IQANK1: variants seen among roughly 807,000 people sequenced by gnomAD.
IQANK1 encodes IQ motif and ankyrin repeat domain-containing protein 1.
Under a neutral mutation model 22.6 loss-of-function variants are expected in IQANK1, and 30 were observed. That is an observed-to-expected ratio of 1.33 (90% confidence interval 0.99 to 1.80). The LOEUF is 1.80. Among genes scored for constraint, IQANK1 ranks in the 40% most tolerant of loss-of-function variants. The probability of loss-of-function intolerance (pLI) is 0.00; values close to 1 mark genes in which losing one functional copy is unlikely to be tolerated. For synonymous variants in IQANK1, 122 were observed against 99.6 expected, an observed-to-expected ratio of 1.23 and a Z score of -1.34; for missense variants, 275 against 235.2, an observed-to-expected ratio of 1.17 and a Z score of -1.11.
At chr8:143,748,162 T>C (rs1382980090) in intron 3 of IQANK1, among the ~76,000 whole-genome samples, 1 of 151,540 alleles carries the variant, frequency 6.6e-6, no homozygotes, top group Non-Finnish European at 1.5e-5. Context: ...GCCTGGCTAA[T>C]TTTTGTATTT....
At chr8:143,769,348 T>C (rs1819531857) in intron 3 of IQANK1, among the ~76,000 whole-genome samples, 1 of 151,664 alleles carries the variant, frequency 6.6e-6, no homozygotes, top group South Asian at 2.1e-4. Context: ...ATGTGAGCCA[T>C]TGCACTTGGC....
At chr8:143,740,229 C>T (rs1464814177) in intron 3 of IQANK1, among the ~76,000 whole-genome samples, 1 of 152,074 alleles carries the variant, frequency 6.6e-6, no homozygotes, top group Non-Finnish European at 1.5e-5. Context: ...GAAGACCCTA[C>T]CCTGCGCCAC....
At position 143,774,066 on chromosome 8, in the gene IQANK1, T is replaced by C. The variant is rs1358231391; in HGVS notation, c.789+1584T>C. Among the ~76,000 whole-genome samples the C allele has an allele frequency of 1.3e-5, 2 of 151,860 alleles. No homozygotes were observed. Among genetic ancestry groups the C allele is most frequent in the Non-Finnish European group, 2.9e-5 (2 of 68,016 alleles). Reference sequence around the variant, plus strand: ...TAAAAAATGAACTCAAAGTGGATTATAGATTTAAATGTAAAGGGTAAAATT... The same window carrying C: ...TAAAAAATGAACTCAAAGTGGATTACAGATTTAAATGTAAAGGGTAAAATT... On this transcript the variant is annotated intron_variant, in intron 7 of 13. Coordinates refer to ENST00000527139, the MANE Select transcript of IQANK1 (RefSeq NM_001381874.1). This position sits in a 1 kb window ranked among gnomAD's most constrained non-coding sequence, Gnocchi z 4.2.
chr8:143,742,389 G>A (rs1435786352), intron 3 of IQANK1: 2 of 455,882 alleles, frequency 4.4e-6, no homozygotes, highest in Non-Finnish European at 4.4e-6. Context: ...GTTGGTGTGG[G>A]AGCCTTTCCC....
chr8:143,741,366 C>G (rs1368597924), intron 3 of IQANK1, among the ~76,000 whole-genome samples: 3 of 152,162 alleles, frequency 2.0e-5, no homozygotes, highest in African/African-American at 7.2e-5. Context: ...CCACACTGAC[C>G]CTCAGGCCTT....
intron 3 of IQANK1, among the ~76,000 whole-genome samples, chr8:143,747,681 G>T (rs1819057476): frequency 1.3e-5 from 2 of 151,300 alleles, no homozygotes; most frequent in African/African-American, 4.9e-5. Flanking sequence ...CCACCATTTT[G>T]TGAATTTTCC....
intron 3 of IQANK1, among the ~76,000 whole-genome samples, chr8:143,768,658 A>G (rs1201057225): frequency 5.3e-5 from 8 of 152,034 alleles, no homozygotes; most frequent in Admixed American, 1.3e-4. Flanking sequence ...CTTTATTTGT[A>G]TCACTGTGGA....
intron 3 of IQANK1, among the ~76,000 whole-genome samples, chr8:143,741,273 T>G (rs1818905996): frequency 6.6e-6 from 1 of 151,904 alleles, no homozygotes; most frequent in South Asian, 2.1e-4. Context: ...CTCTGCGGGG[T>G]GTGGGGCAGA....
At chr8:143,742,364 G>A in intron 3 of IQANK1, 1 of 455,864 alleles carries the variant, frequency 2.2e-6, no homozygotes, top group South Asian at 1.5e-5. Context: ...AGCATGCGGG[G>A]GAGGTCAGGC....
chr8:143,789,351 G>A, intron 9 of IQANK1, 85 bp from the exon 10 acceptor site: 1 of 644,170 alleles, frequency 1.6e-6, no homozygotes, highest in Non-Finnish European at 2.2e-6. Context: ...CAGGAGGGGA[G>A]GTGTCCTCAG....
In IQANK1 at chr8:143,789,418, G is replaced by T; in HGVS notation, c.994-18G>T. The T allele has an allele frequency of 8.3e-7, 1 of 1,207,852 alleles. No homozygotes were observed. The highest frequency in any genetic ancestry group is 3.2e-5 in the East Asian group (1 of 31,628). The allele number at this position is 1,207,852 out of a possible 1,614,324, so 74.8% of individuals were successfully genotyped here. A position where few individuals can be genotyped will look rare whatever the true frequency, so the allele number is the denominator to read the frequency against. ...ATACTGGCCAGCCTTGCCAGGGCCT[G>T]CCCGTACGCCCACCCAGCTGCAACA... On this transcript the variant is annotated intron_variant, in intron 9 of 13. Coordinates refer to ENST00000527139, the MANE Select transcript of IQANK1 (RefSeq NM_001381874.1).
chr8:143,738,150 C>G (rs1225798023), intron 2 of IQANK1, among the ~76,000 whole-genome samples: 1 of 152,142 alleles, frequency 6.6e-6, no homozygotes, highest in African/African-American at 2.4e-5. Flanking sequence ...GGCTCGACCT[C>G]AGGGCCCTGC....
intron 7 of IQANK1, among the ~76,000 whole-genome samples, chr8:143,784,138 T>A (rs1054073333): frequency 2.6e-5 from 4 of 152,064 alleles, no homozygotes; most frequent in African/African-American, 9.7e-5. Context: ...CATTTCTGTA[T>A]CAACCAGGAT....
chr8:143,756,845 G>T (rs1390484810), intron 3 of IQANK1, among the ~76,000 whole-genome samples: 1 of 151,720 alleles, frequency 6.6e-6, no homozygotes, highest in Non-Finnish European at 1.5e-5. Context: ...GGGTGTGGTG[G>T]TGCACACTTT....
intron 3 of IQANK1, among the ~76,000 whole-genome samples, chr8:143,751,967 A>ATTATTT (rs562728479): frequency 2.1e-3 from 320 of 150,018 alleles, no homozygotes; most frequent in African/African-American, 7.6e-3. Flanking sequence ...TATTATTCTT[A>ATTATTT]TTATTTTTTT....
At chr8:143,769,360 C>CTA (rs1819531961) in intron 3 of IQANK1, among the ~76,000 whole-genome samples, 2 of 150,954 alleles carry the variant, frequency 1.3e-5, no homozygotes, top group Non-Finnish European at 1.5e-5. Flanking sequence ...GCACTTGGCC[C>CTA]TATATATATT....
At chr8:143,749,841 A>C (rs1266289238) in intron 3 of IQANK1, among the ~76,000 whole-genome samples, 1 of 150,610 alleles carries the variant, frequency 6.6e-6, no homozygotes, top group Admixed American at 6.7e-5. Flanking sequence ...GGGATTACAG[A>C]TGTAAGCTAC....
intron 3 of IQANK1, among the ~76,000 whole-genome samples, chr8:143,762,419 C>T (rs1052387235): frequency 2.0e-5 from 3 of 152,174 alleles, no homozygotes; most frequent in Non-Finnish European, 2.9e-5. Context: ...GAGCCAGGCC[C>T]TGTTTGGCCA....
intron 3 of IQANK1, among the ~76,000 whole-genome samples, chr8:143,761,726 A>G (rs372588583): frequency 3.9e-5 from 6 of 152,170 alleles, no homozygotes; most frequent in African/African-American, 7.2e-5. Flanking sequence ...TCACATCACT[A>G]TACTCCAGCC....
Sources: allele counts gnomAD v4.1 joint callset (sites outside exome capture counted in the v4.1 genomes callset), GRCh38; gene constraint gnomAD v4.1.1; non-coding constraint Gnocchi (gnomAD v3.1); transcripts MANE v1.5; gene names NCBI Gene and HGNC (gene_info 2026-07-23, HGNC 2026-07-21).